The following NRG1 variants were observed in gnomAD, a reference collection of about 807,000 sequenced individuals.
NRG1 encodes pro-neuregulin-1, membrane-bound isoform.
NRG1 carries 18 observed loss-of-function variants against 63.8 expected under a neutral mutation model. The ratio of observed to expected loss-of-function variants is 0.28; its 90% confidence interval spans 0.19 to 0.42. The LOEUF is 0.42. Among genes scored for constraint, NRG1 ranks in the 10% least tolerant of loss-of-function variants. The pLI, the probability that NRG1 is intolerant of heterozygous loss-of-function variation, is 1.00. For missense variants in NRG1, 762 were observed against 814.7 expected (o/e 0.94, Z 0.79); for synonymous variants, 302 against 301.3 (o/e 1.00, Z -0.02).
chr8:32,135,613 C>G (rs1033761803), intron 1 of NRG1, among the ~76,000 whole-genome samples: 97 of 152,124 alleles, frequency 6.4e-4, no homozygotes, highest in Admixed American at 6.4e-3. Flanking sequence ...AGGGGAGTAT[C>G]AGGAGGCAAG....
At chr8:31,925,138 G>A (rs371522349) in intron 1 of NRG1, among the ~76,000 whole-genome samples, 1 of 4,144 alleles carries the variant, frequency 2.4e-4, no homozygotes, top group Non-Finnish European at 1.0e-3. Flanking sequence ...ATATATGTGT[G>A]TGTGTGTGTA....
chr8:32,001,307 T>C (rs541526132), intron 1 of NRG1, among the ~76,000 whole-genome samples: 1 of 152,054 alleles, frequency 6.6e-6, no homozygotes, highest in African/African-American at 2.4e-5. Flanking sequence ...AGTGAATAAG[T>C]CTCATGAGAT....
chr8:32,544,974 C>A (rs1193030462), upstream of NRG1, among the ~76,000 whole-genome samples: 1 of 151,978 alleles, frequency 6.6e-6, no homozygotes, highest in Admixed American at 6.5e-5. Context: ...AAAAAGTAAT[C>A]TTTGTTTACA....
At chr8:32,661,770 CAAAA>C (rs1201706158) in intron 5 of NRG1, among the ~76,000 whole-genome samples, 1 of 151,816 alleles carries the variant, frequency 6.6e-6, no homozygotes, top group Non-Finnish European at 1.5e-5. Flanking sequence ...GGAGAACAAA[CAAAA>C]GAATAATAAA....
At chr8:31,853,074 G>A (rs1362017580) in intron 1 of NRG1, among the ~76,000 whole-genome samples, 2 of 151,940 alleles carry the variant, frequency 1.3e-5, no homozygotes. Context: ...TTTTGGCTCA[G>A]GATTGACTTG....
chr8:32,140,745 G>A (rs1221768219), intron 1 of NRG1, among the ~76,000 whole-genome samples: 1 of 152,130 alleles, frequency 6.6e-6, no homozygotes, highest in Non-Finnish European at 1.5e-5. Flanking sequence ...TTACAGACAT[G>A]AGCCACCCAT....
chr8:32,221,885 G>C (rs1845852219), intron 1 of NRG1, among the ~76,000 whole-genome samples: 1 of 151,726 alleles, frequency 6.6e-6, no homozygotes, highest in Non-Finnish European at 1.5e-5. Context: ...TTAGTGTTTT[G>C]TTTATATTCA....
At chr8:32,465,414 C>G (rs1587809793) in intron 1 of NRG1, among the ~76,000 whole-genome samples, 1 of 152,194 alleles carries the variant, frequency 6.6e-6, no homozygotes, top group South Asian at 2.1e-4. Flanking sequence ...CCTAAATGCT[C>G]AGTGAGTTTG....
chr8:31,719,077 A>G (rs1812647184), intron 1 of NRG1, among the ~76,000 whole-genome samples: 1 of 152,108 alleles, frequency 6.6e-6, no homozygotes, highest in South Asian at 2.1e-4. Flanking sequence ...ACTCTCTCCA[A>G]CTGATCACCT....
At chr8:32,753,326 G>T (rs1829074847) in intron 7 of NRG1, among the ~76,000 whole-genome samples, 1 of 152,154 alleles carries the variant, frequency 6.6e-6, no homozygotes, top group Non-Finnish European at 1.5e-5. Flanking sequence ...TTAAGAACCT[G>T]ACCTACCTTA....
chr8:32,366,653 T>TTGTGTG lies in NRG1; in HGVS notation c.38-229155_38-229150dup, dbSNP rs146191135. Among the ~76,000 whole-genome samples, 19 of 101,954 alleles carry TTGTGTG rather than the reference T, an allele frequency of 1.9e-4. 1 individual carries two copies. Among genetic ancestry groups the TTGTGTG allele is most frequent in the Admixed American group, 1.4e-3 (12 of 8,494 alleles). 66.9% of individuals were successfully genotyped at this position (101,954 alleles called of 152,430 possible). The stretch of plus-strand genomic sequence containing the variant: ...TATATACACATATATGTAATATATA[T>TTGTGTG]TGTGTGTGTGTGTGTGTGTGTGTGT... On this transcript the variant is annotated intron_variant, in intron 1 of 10. Transcript: ENST00000519301.
At chr8:31,666,630 A>G (rs1405935252) in intron 1 of NRG1, among the ~76,000 whole-genome samples, 1 of 152,228 alleles carries the variant, frequency 6.6e-6, no homozygotes, top group Non-Finnish European at 1.5e-5. Context: ...AAATTATCAA[A>G]AGTGAATATG....
At chr8:32,650,654 G>T in intron 5 of NRG1, among the ~76,000 whole-genome samples, 1 of 3,036 alleles carries the variant, frequency 3.3e-4, no homozygotes, top group Non-Finnish European at 6.4e-4. Context: ...TTAATGGAAA[G>T]CAAAAAAAAA....
rs376155633 is a variant in NRG1, at chr8:31,789,604, G to A, written c.37+150173G>A. On this transcript the variant is annotated intron_variant, in intron 1 of 10. Coordinates refer to the NRG1 transcript ENST00000519301. ...AATCCTCACTTTATAGTTGAGCCCC[G>A]AGTAAGTGAGGAAAGTTGTGCAAGT... Among the ~76,000 whole-genome samples, 65 of 152,264 alleles carry A rather than the reference G, an allele frequency of 4.3e-4. No individual in the cohort carries two copies. In the South Asian group the frequency reaches 9.3e-3, roughly 22 times the overall value.
At chr8:32,386,470 A>T (rs1458876082) in intron 1 of NRG1, among the ~76,000 whole-genome samples, 3 of 152,180 alleles carry the variant, frequency 2.0e-5, no homozygotes, top group Non-Finnish European at 4.4e-5. Flanking sequence ...GTGCCTTGAG[A>T]TGGAGATTCA....
chr8:32,647,890 G>C, intron 5 of NRG1: 1 of 1,614,134 alleles, frequency 6.2e-7, no homozygotes, highest in Non-Finnish European at 8.5e-7. Context: ...GCCGTGCCCT[G>C]CTGTGCGTGC....
intron 1 of NRG1, among the ~76,000 whole-genome samples, chr8:32,345,914 A>T (rs1284819794): frequency 6.6e-6 from 1 of 151,990 alleles, no homozygotes; most frequent in Non-Finnish European, 1.5e-5. Flanking sequence ...AGGCTGAGGC[A>T]GGAGAATCAC....
intron 1 of NRG1, among the ~76,000 whole-genome samples, chr8:31,858,298 CA>C (rs768034922): frequency 6.9e-4 from 80 of 116,056 alleles, no homozygotes; most frequent in Admixed American, 2.0e-3. Flanking sequence ...GACTCCGTCT[CA>C]AAAAAAAAAA....
intron 1 of NRG1, among the ~76,000 whole-genome samples, chr8:32,085,052 G>A (rs753525309): frequency 6.6e-6 from 1 of 152,180 alleles, no homozygotes; most frequent in Non-Finnish European, 1.5e-5. Context: ...TAACTGCTGG[G>A]CTGCTCTGGA....
Sources: gnomAD v4.1 joint callset for allele counts (sites outside exome capture counted in the v4.1 genomes callset) on GRCh38, gnomAD v4.1.1 for gene constraint, MANE v1.5 for transcripts, NCBI Gene and HGNC (gene_info 2026-07-23, HGNC 2026-07-21) for gene names.